The following TNS1 variants were observed in gnomAD, a reference collection of about 807,000 sequenced individuals.
The protein encoded by TNS1 is tensin-1.
A neutral mutation model predicts 168.6 loss-of-function variants in TNS1; 62 were observed. The observed-to-expected ratio is 0.37, with a 90% CI of 0.30 to 0.45. The LOEUF (loss-of-function observed/expected upper bound fraction) is 0.45. Ranked by LOEUF, TNS1 falls within the 20% of genes least tolerant of loss-of-function variation. The probability of loss-of-function intolerance (pLI) is 1.00; values close to 1 mark genes in which losing one functional copy is unlikely to be tolerated. For synonymous variants in TNS1, 934 were observed against 933.2 expected (o/e 1.00, Z -0.02); for missense variants, 2,240 against 2,339.4 (o/e 0.96, Z 0.88).
Position 217,847,811 on chromosome 2 carries a change from C to T in TNS1, c.2706G>A (p.Glu902=). 1 of 1,599,776 alleles carries T rather than the reference C, an allele frequency of 6.3e-7. No individual in the cohort carries two copies. Among genetic ancestry groups the T allele is most frequent in the Non-Finnish European group, 8.6e-7 (1 of 1,168,252 alleles). Residue 902 remains glutamate, a synonymous_variant, in exon 19 of 33, where the codon GAG becomes GAA. Transcript: ENST00000682258. ...ACTCCAGAGAGGCCCGTGGGGCTGG[C>T]TCAGGGGTTCCCAACGAATGCCCAC... ...IPSGHSLGTP[E]PAPRASLESV...
At chr2:217,975,660 A>G (rs2126039684) in intron 3 of TNS1, among the ~76,000 whole-genome samples, 1 of 152,314 alleles carries the variant, frequency 6.6e-6, no homozygotes, top group East Asian at 1.9e-4. Flanking sequence ...CTATCTCAGT[A>G]AGTGAAACCA....
intron 28 of TNS1, among the ~76,000 whole-genome samples, chr2:217,812,036 C>T (rs903486732): frequency 1.3e-5 from 2 of 152,184 alleles, no homozygotes; most frequent in African/African-American, 2.4e-5. Flanking sequence ...CCATCTCATC[C>T]TCCAGGACAT....
At chr2:217,921,079 C>T (rs1955663016) in intron 3 of TNS1, among the ~76,000 whole-genome samples, 1 of 152,006 alleles carries the variant, frequency 6.6e-6, no homozygotes, top group Non-Finnish European at 1.5e-5. Flanking sequence ...GCTCCCTTCC[C>T]TGAGATAACA....
intron 4 of TNS1, 148 bp from the exon 5 acceptor site, chr2:217,907,399 G>A (rs1235980650): frequency 9.5e-6 from 6 of 630,732 alleles, no homozygotes; most frequent in African/African-American, 3.6e-5. Context: ...TAATCTGGCT[G>A]GCCCCAAGCA....
At chr2:217,839,266 G>C (rs753669352) in intron 19 of TNS1, among the ~76,000 whole-genome samples, 1 of 152,136 alleles carries the variant, frequency 6.6e-6, no homozygotes, top group Non-Finnish European at 1.5e-5. Context: ...TGACAACAAA[G>C]TATCTTTAGG....
intron 19 of TNS1, among the ~76,000 whole-genome samples, chr2:217,843,412 CTT>C (rs1423483600): frequency 6.6e-6 from 1 of 151,952 alleles, no homozygotes; most frequent in Non-Finnish European, 1.5e-5. Flanking sequence ...TCTCATGACT[CTT>C]ATATTTACAA....
At position 217,995,288 on chromosome 2, in the gene TNS1, GCTAGAGGAGAAAGT is replaced by G. The variant is rs948088514; in HGVS notation, c.34-4246_34-4233del. ...CCCATAGGTTTGATGTTCCCAGGAT[GCTAGAGGAGAAAGT>G]CTACGGTCGGTGAGCCTCCTATCCT... On this transcript the variant is annotated intron_variant, in intron 1 of 32. Transcript: ENST00000682258. The surrounding 1 kb of genome is among the most constrained non-coding windows in gnomAD (Gnocchi z 4.1). 1.3e-5 allele frequency among the ~76,000 whole-genome samples: 2 copies of G among 152,282 alleles called. No individual in the cohort carries two copies. The highest frequency in any genetic ancestry group is 1.3e-4 in the Admixed American group (2 of 15,300).
intron 4 of TNS1, among the ~76,000 whole-genome samples, chr2:217,912,555 G>T (rs1954547979): frequency 6.6e-6 from 1 of 152,218 alleles, no homozygotes; most frequent in African/African-American, 2.4e-5. Flanking sequence ...GAGCTGGCAG[G>T]GAGGGCTAGC....
At chr2:217,895,428 G>A (rs550114684) in intron 8 of TNS1, among the ~76,000 whole-genome samples, 24 of 152,348 alleles carry the variant, frequency 1.6e-4, no homozygotes, top group South Asian at 1.5e-3. Flanking sequence ...ACCCTGTTCC[G>A]TGAGCGGATG....
chr2:217,903,123 G>A (rs563951888), intron 6 of TNS1, among the ~76,000 whole-genome samples: 1 of 152,256 alleles, frequency 6.6e-6, no homozygotes, highest in African/African-American at 2.4e-5. Flanking sequence ...AAGGCATCCG[G>A]TCATCCCTGG....
At chr2:217,947,077 G>A (rs975656914) in intron 3 of TNS1, among the ~76,000 whole-genome samples, 3 of 151,676 alleles carry the variant, frequency 2.0e-5, no homozygotes, top group African/African-American at 7.3e-5. Context: ...CTGAGGACCA[G>A]GGTTCCCAGG....
At chr2:217,947,186 T>C (rs1957131839) in intron 3 of TNS1, among the ~76,000 whole-genome samples, 1 of 150,052 alleles carries the variant, frequency 6.7e-6, no homozygotes, top group Admixed American at 6.6e-5. Context: ...CAATGCAGGA[T>C]TGCACATCTG....
At chr2:217,950,780 C>T (rs1031477878) in intron 3 of TNS1, among the ~76,000 whole-genome samples, 7 of 151,714 alleles carry the variant, frequency 4.6e-5, no homozygotes, top group East Asian at 3.9e-4. Flanking sequence ...GTCACCCGCA[C>T]GGCCCTCTTC....
Position 217,890,995 on chromosome 2 carries a change from T to C in TNS1, c.833A>G (p.Lys278Arg). The C allele has an allele frequency of 1.2e-6, 2 of 1,614,210 alleles. No homozygotes were observed. The highest frequency in any genetic ancestry group is 1.7e-6 in the Non-Finnish European group (2 of 1,180,034). Residue 278 changes from lysine (K) to arginine (R), a missense_variant, in exon 12 of 33, where the codon AAG (lysine) becomes AGG (arginine). Physicochemically the swap from Lys to Arg is conservative, Grantham distance 26 (BLOSUM62 2). Coordinates refer to ENST00000682258, the MANE Select transcript of TNS1 (RefSeq NM_001387777.1). ...GGATGGCTGGCCAATGGGCACAATCTTATCCTCATAGAACCGCTTCATTGC... is the reference window on the plus strand; with the variant it reads ...GGATGGCTGGCCAATGGGCACAATCCTATCCTCATAGAACCGCTTCATTGC... ...RFAMKRFYED[K>R]IVPIGQPSQR...
intron 19 of TNS1, among the ~76,000 whole-genome samples, chr2:217,838,205 T>G (rs1945432732): frequency 6.6e-6 from 1 of 152,176 alleles, no homozygotes; most frequent in African/African-American, 2.4e-5. Context: ...GGGTGGCCAG[T>G]TTCCCTGCTT....
chr2:218,013,290 C>T (rs954848423), upstream of TNS1, among the ~76,000 whole-genome samples: 2 of 151,946 alleles, frequency 1.3e-5, no homozygotes, highest in African/African-American at 4.8e-5. Flanking sequence ...GCATTCAGCA[C>T]CTGGTAGGTG....
rs114951892 is a variant in TNS1, at chr2:217,904,777, T to C, written c.321+1558A>G. Among the ~76,000 whole-genome samples, 566 of 152,340 alleles carry C rather than the reference T, an allele frequency of 3.7e-3. 2 individuals carry two copies. The highest frequency in any genetic ancestry group is 0.013 in the African/African-American group (535 of 41,578). ...TAACTTCACTGTCTCTTGCTGTAGCTCTAGTTGACGGGATCCATCTGGCCC... is the reference window on the plus strand; with the variant it reads ...TAACTTCACTGTCTCTTGCTGTAGCCCTAGTTGACGGGATCCATCTGGCCC... On this transcript the variant is annotated intron_variant, in intron 6 of 32. Transcript: ENST00000682258.
intron 3 of TNS1, 139 bp downstream of exon 3, chr2:217,978,626 G>A (rs1957954184): frequency 3.3e-6 from 1 of 307,280 alleles, no homozygotes; most frequent in Non-Finnish European, 6.3e-6. Context: ...CCCAGGCCCA[G>A]GCGCTTTGCA....
At chr2:217,840,233 T>C (rs879607884) in intron 19 of TNS1, among the ~76,000 whole-genome samples, 7 of 152,134 alleles carry the variant, frequency 4.6e-5, no homozygotes, top group Non-Finnish European at 8.8e-5. Context: ...GAGCATGGCA[T>C]CTTCCCTGAC....
Sources: allele counts gnomAD v4.1 joint callset (sites outside exome capture counted in the v4.1 genomes callset), GRCh38; gene constraint gnomAD v4.1.1; non-coding constraint Gnocchi (gnomAD v3.1); transcripts MANE v1.5; gene names NCBI Gene and HGNC (gene_info 2026-07-23, HGNC 2026-07-21).